The following DLG2 variants were observed in gnomAD, a reference collection of about 807,000 sequenced individuals.
The protein encoded by DLG2 is discs large MAGUK scaffold protein 2, also known as disks large homolog 2.
DLG2 carries 45 observed loss-of-function variants against 132.5 expected under a neutral mutation model. The observed-to-expected ratio is 0.34, with a 90% CI of 0.27 to 0.44. The LOEUF (loss-of-function observed/expected upper bound fraction) is 0.44, where lower values mean the gene tolerates loss of function less well. Ranked by LOEUF, DLG2 falls within the 20% of genes least tolerant of loss-of-function variation. The pLI, the probability that DLG2 is intolerant of heterozygous loss-of-function variation, is 1.00. For missense variants in DLG2, 1,045 were observed against 1,196.9 expected (o/e 0.87, Z 1.87); for synonymous variants, 424 against 419.6 (o/e 1.01, Z -0.13).
chr11:84,704,143 T>C lies in DLG2; in HGVS notation c.358-169412A>G, dbSNP rs377233914. Among the ~76,000 whole-genome samples the C allele has an allele frequency of 7.3e-5, 11 of 151,308 alleles. No homozygotes were observed. The East Asian group carries it at 2.0e-3, about 27-fold the overall frequency. On this transcript the variant is annotated intron_variant, in intron 6 of 27. Coordinates refer to ENST00000376104, the MANE Select transcript of DLG2 (RefSeq NM_001142699.3). ...CACTTGAAGACAAGTCTTCAGGAAG[T>C]TTAAGTATCTTTCCCACATCCCTAC...
chr11:83,963,035 G>T lies in DLG2; in HGVS notation c.1202-12C>A, dbSNP rs763744623. On this transcript the variant is annotated splice_polypyrimidine_tract_variant and intron_variant, in intron 13 of 27. Coordinates refer to ENST00000376104, the MANE Select transcript of DLG2 (RefSeq NM_001142699.3). ...TGGTGGAGAATAAGCTAAGAGGTGG[G>T]GGAAAAAGAGAAAAGAAACCTGTTA... 4.3e-6 allele frequency: 7 copies of T among 1,611,336 alleles called. No individual in the cohort carries two copies. Among genetic ancestry groups the T allele is most frequent in the Non-Finnish European group, 5.9e-6 (7 of 1,178,082 alleles).
chr11:85,148,087 T>G (rs1189076835), intron 5 of DLG2, among the ~76,000 whole-genome samples: 3 of 152,308 alleles, frequency 2.0e-5, no homozygotes, highest in South Asian at 2.1e-4. Flanking sequence ...ATTATCTCAT[T>G]CCTTTCTATG....
At chr11:83,704,812 G>A (rs1014712838) in intron 18 of DLG2, among the ~76,000 whole-genome samples, 2 of 152,144 alleles carry the variant, frequency 1.3e-5, no homozygotes, top group Non-Finnish European at 2.9e-5. Context: ...GGGCGACAGA[G>A]CGAGACTCCA....
In DLG2 at chr11:84,098,724, C is replaced by T. The variant is rs181754410; in HGVS notation, c.749+199G>A. 2.6e-4 allele frequency among the ~76,000 whole-genome samples: 39 copies of T among 152,248 alleles called. No individual in the cohort carries two copies. The East Asian group carries it at 7.4e-3, about 29-fold the overall frequency. On this transcript the variant is annotated intron_variant, in intron 10 of 27. Transcript: ENST00000376104. ...CCTGGCCCAATGTTCAATGTGGTACCTACCAACGAACACAAATCAAACACT... is the reference window on the plus strand; with the variant it reads ...CCTGGCCCAATGTTCAATGTGGTACTTACCAACGAACACAAATCAAACACT...
chr11:85,616,059 A>G (rs918658306), intron 2 of DLG2, among the ~76,000 whole-genome samples: 1 of 152,200 alleles, frequency 6.6e-6, no homozygotes, highest in Non-Finnish European at 1.5e-5. Context: ...TTAACAGGAA[A>G]AATTTGAAGC....
At position 85,513,045 on chromosome 11, in the gene DLG2, C is replaced by T. The variant is rs1051592318; in HGVS notation, c.40+85612G>A. Among the ~76,000 whole-genome samples the T allele has an allele frequency of 3.9e-5, 6 of 152,082 alleles. No individual in the cohort carries two copies. The East Asian group carries it at 1.2e-3, about 29-fold the overall frequency. On this transcript the variant is annotated intron_variant, in intron 3 of 27. Transcript: ENST00000376104. ...AACAAAATCATGACCTTTGCACCAACGTGGATGCAGCTGGAGGCCATTATT... is the reference window on the plus strand; with the variant it reads ...AACAAAATCATGACCTTTGCACCAATGTGGATGCAGCTGGAGGCCATTATT...
chr11:83,963,077 T>TCATGCTATACTTCAGAAATGTCAA, intron 13 of DLG2, 54 bp from the exon 14 acceptor site: 1 of 1,569,040 alleles, frequency 6.4e-7, no homozygotes, highest in Non-Finnish European at 8.8e-7. Flanking sequence ...TGATTCAATG[T>TCATGCTATACTTCAGAAATGTCAA]GTCATGCTAT....
At chr11:83,557,824 G>A (rs572718622) in intron 19 of DLG2, among the ~76,000 whole-genome samples, 5 of 152,216 alleles carry the variant, frequency 3.3e-5, no homozygotes, top group Non-Finnish European at 5.9e-5. Flanking sequence ...ATGGGTGAGC[G>A]CTCTAAGGGA....
intron 6 of DLG2, among the ~76,000 whole-genome samples, chr11:85,099,708 T>A (rs2070536037): frequency 6.6e-6 from 1 of 152,192 alleles, no homozygotes; most frequent in Admixed American, 6.5e-5. Context: ...TATCTGTAGC[T>A]GGTCTATAAA....
chr11:84,266,919 G>A (rs1432184356), intron 7 of DLG2, among the ~76,000 whole-genome samples: 1 of 152,214 alleles, frequency 6.6e-6, no homozygotes, highest in Non-Finnish European at 1.5e-5. Context: ...ACTTGGCACT[G>A]CAGAAAGTAG....
At chr11:85,125,599 A>G (rs986633588) in intron 5 of DLG2, among the ~76,000 whole-genome samples, 3 of 152,168 alleles carry the variant, frequency 2.0e-5, no homozygotes, top group Non-Finnish European at 4.4e-5. Flanking sequence ...ACTAAATAAT[A>G]ACTTTGTTGT....
At position 83,600,944 on chromosome 11, in the gene DLG2, G is replaced by T. The variant is rs555305579; in HGVS notation, c.1940+32267C>A. Among the ~76,000 whole-genome samples the T allele has an allele frequency of 2.0e-5, 3 of 152,300 alleles. No individual in the cohort carries two copies. In the South Asian group the frequency reaches 6.2e-4, roughly 32 times the overall value. On this transcript the variant is annotated intron_variant, in intron 19 of 27. Coordinates refer to ENST00000376104, the MANE Select transcript of DLG2 (RefSeq NM_001142699.3). ...GCAATGATAAACAATGTCTGTTCTGGTATTGAGGGAAGCATTGCCTATAGG... is the reference window on the plus strand; with the variant it reads ...GCAATGATAAACAATGTCTGTTCTGTTATTGAGGGAAGCATTGCCTATAGG...
At chr11:85,180,648 A>G (rs1269638428) in intron 4 of DLG2, among the ~76,000 whole-genome samples, 1 of 151,928 alleles carries the variant, frequency 6.6e-6, no homozygotes, top group Non-Finnish European at 1.5e-5. Flanking sequence ...CTTCAGCTGT[A>G]GAAATGCAGT....
chr11:83,982,868 T>G (rs895179338), intron 11 of DLG2, among the ~76,000 whole-genome samples: 4 of 152,162 alleles, frequency 2.6e-5, no homozygotes, highest in Non-Finnish European at 5.9e-5. Context: ...TTAGATATGT[T>G]AAGTTACACA....
intron 6 of DLG2, among the ~76,000 whole-genome samples, chr11:84,684,931 G>T (rs1210753424): frequency 1.3e-5 from 2 of 152,166 alleles, no homozygotes; most frequent in South Asian, 2.1e-4. Context: ...GATTCTAGAG[G>T]AAGAACATAT....
chr11:85,034,689 C>A (rs1323320178), intron 6 of DLG2, among the ~76,000 whole-genome samples: 1 of 152,138 alleles, frequency 6.6e-6, no homozygotes, highest in Non-Finnish European at 1.5e-5. Flanking sequence ...TTCTGAGCAT[C>A]CTCACATTCT....
Position 84,306,407 on chromosome 11 carries a change from G to A in DLG2, c.520-55116C>T, listed in dbSNP as rs374133869. 1.1e-4 allele frequency among the ~76,000 whole-genome samples: 17 copies of A among 152,200 alleles called. No homozygotes were observed. The East Asian group carries it at 2.1e-3, about 19-fold the overall frequency. On this transcript the variant is annotated intron_variant, in intron 7 of 27. Coordinates refer to ENST00000376104, the MANE Select transcript of DLG2 (RefSeq NM_001142699.3). ...ATACACATAGATTGATGCAGGAGAGGTGTGTCAATACTAAAATCAGCATTA... is the reference window on the plus strand; with the variant it reads ...ATACACATAGATTGATGCAGGAGAGATGTGTCAATACTAAAATCAGCATTA...
intron 7 of DLG2, among the ~76,000 whole-genome samples, chr11:84,397,570 A>C (rs911050457): frequency 1.3e-5 from 2 of 152,204 alleles, no homozygotes; most frequent in African/African-American, 4.8e-5. Context: ...TGGCAATCTT[A>C]GAAGTCAACT....
intron 7 of DLG2, among the ~76,000 whole-genome samples, chr11:84,359,404 G>T (rs989090429): frequency 6.6e-6 from 1 of 151,794 alleles, no homozygotes; most frequent in Non-Finnish European, 1.5e-5. Context: ...CTGAGGAATT[G>T]GTTGGCTTAA....
Sources: allele counts gnomAD v4.1 joint callset (sites outside exome capture counted in the v4.1 genomes callset), GRCh38; gene constraint gnomAD v4.1.1; transcripts MANE v1.5; gene names NCBI Gene and HGNC (gene_info 2026-07-23, HGNC 2026-07-21).